XRCC4: variants seen among roughly 807,000 people sequenced by gnomAD.
The protein encoded by XRCC4 is X-ray repair cross complementing 4.
In XRCC4, 28 loss-of-function variants were observed where a neutral mutation model predicts 39.1. That is an observed-to-expected ratio of 0.72 (90% CI 0.53 to 0.98). XRCC4 has a LOEUF of 0.98. Ranked by LOEUF, XRCC4 falls within the 50% of genes least tolerant of loss-of-function variation. XRCC4 has a pLI of 0.00. For synonymous variants in XRCC4, 123 were observed against 126.4 expected, an observed-to-expected ratio of 0.97 and a Z score of 0.18; for missense variants, 350 against 376.4, an observed-to-expected ratio of 0.93 and a Z score of 0.58.
intron 6 of XRCC4, among the ~76,000 whole-genome samples, chr5:83,248,470 TACTGATTAGATTTTCAAGATG>T (rs1457991789): frequency 6.6e-6 from 1 of 152,134 alleles, no homozygotes; most frequent in African/African-American, 2.4e-5. Context: ...GTTTATGTGG[TACTGATTAGATTTTCAAGATG>T]AAGTTTTGAA....
chr5:83,335,560 A>G (rs1258772925), intron 7 of XRCC4, among the ~76,000 whole-genome samples: 3 of 152,004 alleles, frequency 2.0e-5, no homozygotes, highest in East Asian at 1.9e-4. Context: ...TCACTGTAGC[A>G]TATTATAATT....
At chr5:83,351,647 T>A (rs1283032645) in intron 7 of XRCC4, among the ~76,000 whole-genome samples, 1 of 152,164 alleles carries the variant, frequency 6.6e-6, no homozygotes, top group African/African-American at 2.4e-5. Context: ...AATTTTAACA[T>A]CGCAAATCCC....
chr5:83,111,890 A>T (rs562229246), intron 3 of XRCC4, among the ~76,000 whole-genome samples: 2 of 152,240 alleles, frequency 1.3e-5, no homozygotes, highest in East Asian at 1.9e-4. Context: ...CATATATGAG[A>T]TCTATCATTT....
chr5:83,109,907 A>G (rs921269732), intron 2 of XRCC4, among the ~76,000 whole-genome samples: 1 of 152,006 alleles, frequency 6.6e-6, no homozygotes, highest in Non-Finnish European at 1.5e-5. Context: ...CTCTCTGTCC[A>G]GAGGATGCAG....
chr5:83,224,203 G>A (rs761149832), intron 6 of XRCC4, among the ~76,000 whole-genome samples: 14 of 151,892 alleles, frequency 9.2e-5, no homozygotes, highest in East Asian at 1.9e-4. Context: ...TGGATAATTC[G>A]TTCCCTTCTT....
intron 7 of XRCC4, among the ~76,000 whole-genome samples, chr5:83,326,873 T>C (rs1276788108): frequency 6.6e-6 from 1 of 152,050 alleles, no homozygotes; most frequent in Non-Finnish European, 1.5e-5. Flanking sequence ...TAAGGAATTC[T>C]TATTGCTGTT....
chr5:83,202,941 T>A (rs1321701430), intron 4 of XRCC4, among the ~76,000 whole-genome samples: 1 of 152,172 alleles, frequency 6.6e-6, no homozygotes, highest in Non-Finnish European at 1.5e-5. Flanking sequence ...TTTGAAGATA[T>A]GTAGTGTTTT....
chr5:83,322,573 G>A (rs1434627666), intron 7 of XRCC4, among the ~76,000 whole-genome samples: 2 of 152,188 alleles, frequency 1.3e-5, no homozygotes, highest in Non-Finnish European at 2.9e-5. Flanking sequence ...CTTTGTGGGT[G>A]TGATCAAGTT....
chr5:83,228,756 G>A lies in XRCC4; in HGVS notation c.745+23835G>A, dbSNP rs371515322. 9.9e-5 allele frequency among the ~76,000 whole-genome samples: 15 copies of A among 151,980 alleles called. 1 individual carries two copies. Among genetic ancestry groups the A allele is most frequent in the African/African-American group, 2.4e-4 (10 of 41,400 alleles). ...GTTCTAAACTTAGGTAGAGTGTACC[G>A]GATACTGATTTCAAGTAGAAACTCA... On this transcript the variant is annotated intron_variant, in intron 6 of 7. Coordinates refer to ENST00000396027, the MANE Select transcript of XRCC4 (RefSeq NM_003401.5).
chr5:83,220,395 C>T (rs1283847006), intron 6 of XRCC4, among the ~76,000 whole-genome samples: 1 of 152,114 alleles, frequency 6.6e-6, no homozygotes, highest in East Asian at 1.9e-4. Context: ...AACAGCACAT[C>T]TGGTCCCCTG....
At chr5:83,294,342 A>G (rs991951103) in intron 7 of XRCC4, among the ~76,000 whole-genome samples, 1 of 152,018 alleles carries the variant, frequency 6.6e-6, no homozygotes, top group African/African-American at 2.4e-5. Flanking sequence ...AGAAATTTAA[A>G]ATGTTGGTAT....
At chr5:83,368,718 T>G in the XRCC4 span, among the ~76,000 whole-genome samples, 3 of 152,210 alleles carry the variant, frequency 2.0e-5, no homozygotes, top group African/African-American at 7.2e-5. Context: ...AAAAGTTTAC[T>G]CATTTGCAGA....
At chr5:83,128,533 C>T (rs1020447672) in intron 3 of XRCC4, among the ~76,000 whole-genome samples, 13 of 152,146 alleles carry the variant, frequency 8.5e-5, no homozygotes, top group African/African-American at 2.7e-4. Flanking sequence ...GTTCTAGATC[C>T]TTGAGGAATC....
intron 7 of XRCC4, among the ~76,000 whole-genome samples, chr5:83,286,001 G>A (rs1754721055): frequency 6.6e-6 from 1 of 152,042 alleles, no homozygotes. Flanking sequence ...CCTGTGCTTG[G>A]CATGTGTTCC....
At chr5:83,312,209 A>G (rs1339341701) in intron 7 of XRCC4, among the ~76,000 whole-genome samples, 3 of 152,210 alleles carry the variant, frequency 2.0e-5, no homozygotes, top group Non-Finnish European at 4.4e-5. Context: ...CCTTACTTTC[A>G]CCTTCAAAAT....
At chr5:83,250,100 A>T (rs995147039) in intron 6 of XRCC4, among the ~76,000 whole-genome samples, 2 of 152,138 alleles carry the variant, frequency 1.3e-5, no homozygotes, top group African/African-American at 4.8e-5. Context: ...AACCTATGAA[A>T]ACAATGAAGC....
At chr5:83,136,255 G>A (rs1335052491) in intron 3 of XRCC4, among the ~76,000 whole-genome samples, 2 of 152,120 alleles carry the variant, frequency 1.3e-5, no homozygotes, top group Admixed American at 1.3e-4. Context: ...TCTTTAGCAA[G>A]CTAGATCACC....
intron 4 of XRCC4, among the ~76,000 whole-genome samples, chr5:83,202,713 A>G (rs995210036): frequency 1.3e-5 from 2 of 152,186 alleles, no homozygotes; most frequent in African/African-American, 2.4e-5. Context: ...ATTGAAAAGA[A>G]TACATAAAAT....
At chr5:83,097,767 C>G (rs1745748266) in intron 1 of XRCC4, among the ~76,000 whole-genome samples, 1 of 152,092 alleles carries the variant, frequency 6.6e-6, no homozygotes, top group African/African-American at 2.4e-5. Flanking sequence ...AAGTGTCATT[C>G]TCACGTGAAA....
Sources: allele counts gnomAD v4.1 joint callset (sites outside exome capture counted in the v4.1 genomes callset), GRCh38; gene constraint gnomAD v4.1.1; transcripts MANE v1.5; gene names NCBI Gene and HGNC (gene_info 2026-07-23, HGNC 2026-07-21).